Variants in MXRA7 observed in about 807,000 individuals in gnomAD.
MXRA7 encodes the protein matrix remodeling associated 7.
Under a neutral mutation model 17.4 loss-of-function variants are expected in MXRA7, and 18 were observed. The observed-to-expected ratio is 1.03, with a 90% confidence interval of 0.71 to 1.53. The LOEUF (loss-of-function observed/expected upper bound fraction) is 1.53. Ranked by LOEUF, MXRA7 falls within the 40% of genes most tolerant of loss-of-function variation. The probability of loss-of-function intolerance (pLI) is 0.00; values close to 1 mark genes in which losing one functional copy is unlikely to be tolerated. For missense variants in MXRA7, 141 were observed against 209.3 expected, an observed-to-expected ratio of 0.67 and a Z score of 2.01; for synonymous variants, 70 against 101.7, an observed-to-expected ratio of 0.69 and a Z score of 1.87.
chr17:76,685,041 G>A (rs902267968), intron 3 of MXRA7, 31 bp downstream of exon 3: 23 of 1,592,238 alleles, frequency 1.4e-5, no homozygotes, highest in African/African-American at 4.0e-5. Flanking sequence ...CCAAGAGCCC[G>A]CCAGGCGCCA....
At chr17:76,702,859 A>ATATATATATACGTATATATATATATACG (rs2076606270) in intron 1 of MXRA7, among the ~76,000 whole-genome samples, 2 of 127,316 alleles carry the variant, frequency 1.6e-5, no homozygotes, top group African/African-American at 3.4e-5. Flanking sequence ...CTTAAAATAA[A>ATATATATATACGTATATATATATATACG]TATATATATA....
Position 76,688,303 on chromosome 17 carries a change from G to A in MXRA7, c.343-127C>T, listed in dbSNP as rs372215029. 4.9e-4 allele frequency: 735 copies of A among 1,496,834 alleles called. 3 individuals are homozygous for A. In the African/African-American group the frequency reaches 8.2e-3, roughly 17 times the overall value. The allele number at this position is 1,496,834 out of a possible 1,614,324, so 92.7% of individuals were successfully genotyped here. A position where few individuals can be genotyped will look rare whatever the true frequency, so the allele number is the denominator to read the frequency against. On this transcript the variant is annotated intron_variant, in intron 1 of 3. Coordinates refer to ENST00000449428, the MANE Select transcript of MXRA7 (RefSeq NM_198530.4). ...CAGCCTGCCCACGCCCTGTGGCAGC[G>A]CCTGCCCTGTGGTCATGGTCAACCA...
rs1444876535 is a variant in MXRA7, at chr17:76,680,366, C to T, written c.*501G>A. ...CAGCCACAGAGAGAAGTGGGGTTCC[C>T]AGGGAAAGGGGTCGGCTGACCACCC... On this transcript the variant is annotated 3_prime_UTR_variant, in exon 4 of 4. Transcript: ENST00000449428. 2 of 985,550 alleles carry T rather than the reference C, an allele frequency of 2.0e-6. No homozygotes were observed. The highest frequency in any genetic ancestry group is 2.4e-6 in the Non-Finnish European group (2 of 830,172). 61.1% of individuals were successfully genotyped at this position (985,550 alleles called of 1,614,324 possible).
chr17:76,683,060 C>T (rs913166503), intron 3 of MXRA7, among the ~76,000 whole-genome samples: 2 of 152,216 alleles, frequency 1.3e-5, no homozygotes, highest in Admixed American at 6.5e-5. Flanking sequence ...GTTTCACCCC[C>T]AGCCGGAGGC....
At chr17:76,707,814 G>A (rs913897835) in intron 1 of MXRA7, among the ~76,000 whole-genome samples, 1 of 152,164 alleles carries the variant, frequency 6.6e-6, no homozygotes, top group Non-Finnish European at 1.5e-5. Context: ...CTACACAGGA[G>A]CACCAAGAAA....
chr17:76,675,683 C>T (rs2076235101), downstream of MXRA7: 1 of 152,014 alleles, frequency 6.6e-6, no homozygotes, highest in African/African-American at 2.4e-5. Context: ...TGACAAAACA[C>T]ATTAAAACAA....
In MXRA7 at chr17:76,688,784, G is replaced by A. The variant is rs1020206649; in HGVS notation, c.343-608C>T. ...ACTTCAGCTTGCAGGAATGTCAGAG[G>A]ATGAGAGCGACGTGCCGTGCCCATG... On this transcript the variant is annotated intron_variant, in intron 1 of 3. Coordinates refer to ENST00000449428, the MANE Select transcript of MXRA7 (RefSeq NM_198530.4). 11 of 796,064 alleles carry A rather than the reference G, an allele frequency of 1.4e-5. 1 individual carries two copies. The highest frequency in any genetic ancestry group is 3.4e-5 in the East Asian group (1 of 29,684). 49.3% of individuals were successfully genotyped at this position (796,064 alleles called of 1,614,324 possible).
Position 76,680,320 on chromosome 17 carries a change from T to A in MXRA7, c.*547A>T. Reference sequence around the variant, plus strand: ...TTGCTGCCCTGTAATCAATATGGCATCTCACCCCCGACAACCAAGCCAGCC... The same window carrying A: ...TTGCTGCCCTGTAATCAATATGGCAACTCACCCCCGACAACCAAGCCAGCC... On this transcript the variant is annotated 3_prime_UTR_variant, in exon 4 of 4. Coordinates refer to ENST00000449428, the MANE Select transcript of MXRA7 (RefSeq NM_198530.4). 1.0e-6 allele frequency: 1 copy of A among 985,348 alleles called. No homozygotes were observed. The highest frequency in any genetic ancestry group is 1.2e-6 in the Non-Finnish European group (1 of 829,996). 61.0% of individuals were successfully genotyped at this position (985,348 alleles called of 1,614,324 possible).
rs558102556 is a variant in MXRA7 at position 76,683,800 on chromosome 17, C to T, written c.500+1272G>A. On this transcript the variant is annotated intron_variant, in intron 3 of 3. Coordinates refer to ENST00000449428, the MANE Select transcript of MXRA7 (RefSeq NM_198530.4). ...TCAGTTGTTTGGGGGCACGTTAGCA[C>T]GCAGTAGAAGGGGAGCACCACTAGT... 25 of 1,451,890 alleles carry T rather than the reference C, an allele frequency of 1.7e-5. No homozygotes were observed. In the South Asian group the frequency reaches 1.9e-4, roughly 11 times the overall value. The allele number at this position is 1,451,890 out of a possible 1,614,324, so 89.9% of individuals were successfully genotyped here. A position where few individuals can be genotyped will look rare whatever the true frequency, so the allele number is the denominator to read the frequency against.
At chr17:76,694,970 C>A (rs949931013) in intron 1 of MXRA7, among the ~76,000 whole-genome samples, 1 of 151,974 alleles carries the variant, frequency 6.6e-6, no homozygotes. Flanking sequence ...CCAGCCTGGA[C>A]AACATAGTGA....
chr17:76,710,317 G>C (rs2076705017), intron 1 of MXRA7, among the ~76,000 whole-genome samples: 1 of 152,236 alleles, frequency 6.6e-6, no homozygotes, highest in Non-Finnish European at 1.5e-5. Flanking sequence ...CAGCAGCTGC[G>C]GAGCACGCCC....
Position 76,705,991 on chromosome 17 carries a change from CCCACACTGCCATCACAGAGGA to C in MXRA7, c.342+4593_342+4613del, listed in dbSNP as rs879885218. Reference sequence around the variant, plus strand: ...TAGGACCACACTGCCATCACAAAGGCCCACACTGCCATCACAGAGGACCACACTGCCATCACGAAGGCCCAC... The same window carrying C: ...TAGGACCACACTGCCATCACAAAGGCCCACACTGCCATCACGAAGGCCCAC... On this transcript the variant is annotated intron_variant, in intron 1 of 3. Coordinates refer to ENST00000449428, the MANE Select transcript of MXRA7 (RefSeq NM_198530.4). Among the ~76,000 whole-genome samples, 788 of 150,744 alleles carry C rather than the reference CCCACACTGCCATCACAGAGGA, an allele frequency of 5.2e-3. 3 individuals are homozygous for C. The highest frequency in any genetic ancestry group is 0.018 in the African/African-American group (753 of 40,842).
chr17:76,693,249 C>T (rs1236738315), intron 1 of MXRA7, among the ~76,000 whole-genome samples: 3 of 147,452 alleles, frequency 2.0e-5, no homozygotes, highest in Non-Finnish European at 4.5e-5. Context: ...GCGGATGGAT[C>T]ACGAGGTCAT....
chr17:76,707,291 CTTTTTTTTTT>C (rs56067261), intron 1 of MXRA7, among the ~76,000 whole-genome samples: 5 of 96,088 alleles, frequency 5.2e-5, no homozygotes, highest in Admixed American at 1.2e-4. Flanking sequence ...AGTCCCTACT[CTTTTTTTTTT>C]TTTTTTTTTT....
exon 4 of MXRA7, chr17:76,673,923 C>T (rs1391840133): frequency 6.6e-6 from 1 of 152,204 alleles, no homozygotes; most frequent in East Asian, 1.9e-4. Context: ...GGCCCTGAAA[C>T]GTCTCTAGCA....
chr17:76,684,966 C>T (rs2076367422), intron 3 of MXRA7, 106 bp downstream of exon 3: 5 of 906,352 alleles, frequency 5.5e-6, no homozygotes, highest in Non-Finnish European at 8.8e-6. Context: ...GGAGCCCCAC[C>T]TCCTTTCTGG....
chr17:76,700,843 T>C (rs1405458069), intron 1 of MXRA7, among the ~76,000 whole-genome samples: 2 of 151,812 alleles, frequency 1.3e-5, no homozygotes, highest in East Asian at 1.9e-4. Flanking sequence ...GGCGGGGGAC[T>C]TTACATCTGC....
intron 1 of MXRA7, among the ~76,000 whole-genome samples, chr17:76,699,220 C>T (rs749461197): frequency 1.2e-4 from 19 of 152,240 alleles, no homozygotes; most frequent in Admixed American, 2.6e-4. Flanking sequence ...TCATGGCTCA[C>T]TGCAGCCTCA....
chr17:76,682,631 C>G (rs1205890878), intron 3 of MXRA7, among the ~76,000 whole-genome samples: 1 of 152,010 alleles, frequency 6.6e-6, no homozygotes, highest in Non-Finnish European at 1.5e-5. Context: ...CCGCGGAGAC[C>G]CCACGCAGTG....
Sources: gnomAD v4.1 joint callset for allele counts (sites outside exome capture counted in the v4.1 genomes callset) on GRCh38, gnomAD v4.1.1 for gene constraint, MANE v1.5 for transcripts, NCBI Gene and HGNC (gene_info 2026-07-23, HGNC 2026-07-21) for gene names.